Variants in TCERG1L observed in about 807,000 individuals in gnomAD.
TCERG1L encodes the protein transcription elongation regulator 1 like.
Under a neutral mutation model 56.3 loss-of-function variants are expected in TCERG1L, and 37 were observed. The ratio of observed to expected loss-of-function variants is 0.66; its 90% CI spans 0.51 to 0.87. TCERG1L has a LOEUF of 0.87. TCERG1L is among the 40% of genes least tolerant of loss of function. The pLI is 0.00. For missense variants in TCERG1L, 799 were observed against 774.2 expected, an observed-to-expected ratio of 1.03 and a Z score of -0.38; for synonymous variants, 324 against 326.3, an observed-to-expected ratio of 0.99 and a Z score of 0.08.
chr10:131,208,521 A>G (rs1321996668), intron 4 of TCERG1L, among the ~76,000 whole-genome samples: 1 of 152,216 alleles, frequency 6.6e-6, no homozygotes, highest in Non-Finnish European at 1.5e-5. Context: ...CTGAGCAGAC[A>G]GATTTTCGTA....
At chr10:131,132,490 G>C (rs1365011786) in intron 8 of TCERG1L, among the ~76,000 whole-genome samples, 1 of 152,224 alleles carries the variant, frequency 6.6e-6, no homozygotes, top group Non-Finnish European at 1.5e-5. Flanking sequence ...GAGTGCAGCC[G>C]GGTGATGAGG....
At chr10:131,232,854 C>G (rs1845867149) in intron 4 of TCERG1L, among the ~76,000 whole-genome samples, 1 of 152,224 alleles carries the variant, frequency 6.6e-6, no homozygotes, top group African/African-American at 2.4e-5. Context: ...TGTTTCCAAT[C>G]TCTACATCTT....
At chr10:131,293,413 A>G (rs1026301068) in intron 3 of TCERG1L, among the ~76,000 whole-genome samples, 1 of 152,132 alleles carries the variant, frequency 6.6e-6, no homozygotes. Context: ...GCCTAAATCC[A>G]AAGGGCTAAA....
At chr10:131,126,809 G>A (rs1845570467) in intron 8 of TCERG1L, among the ~76,000 whole-genome samples, 1 of 152,186 alleles carries the variant, frequency 6.6e-6, no homozygotes, top group Middle Eastern at 3.2e-3. Flanking sequence ...CCTTTGGCAG[G>A]TAGTTTTCTG....
chr10:131,310,431 T>C (rs961559741), intron 1 of TCERG1L, among the ~76,000 whole-genome samples: 5 of 152,206 alleles, frequency 3.3e-5, no homozygotes, highest in Non-Finnish European at 7.3e-5. Context: ...GCTCACAAGA[T>C]AATATTGGAA....
At chr10:131,099,113 G>A (rs1845279489) in intron 10 of TCERG1L, among the ~76,000 whole-genome samples, 1 of 152,170 alleles carries the variant, frequency 6.6e-6, no homozygotes, top group Non-Finnish European at 1.5e-5. Context: ...TCGGGCACTG[G>A]GCACTCCCAT....
Position 131,267,808 on chromosome 10 carries a change from T to C in TCERG1L, c.671-7364A>G, listed in dbSNP as rs534478314. ...TCCCACCACCAGTCCTGCTGCCCTG[T>C]CCACCTCCTTGCAGACTTCGGTGGG... On this transcript the variant is annotated intron_variant, in intron 3 of 11. Transcript: ENST00000368642. This position sits in a 1 kb window ranked among gnomAD's most constrained non-coding sequence, Gnocchi z 4.9. Among the ~76,000 whole-genome samples, 1 of 152,320 alleles carries C rather than the reference T, an allele frequency of 6.6e-6. No homozygotes were observed. Among genetic ancestry groups the C allele is most frequent in the African/African-American group, 2.4e-5 (1 of 41,584 alleles).
Position 131,093,042 on chromosome 10 carries a change from G to A in TCERG1L, c.*120C>T, listed in dbSNP as rs893999315. ...CTGAGAACGAAGACCCCGCAGTGCC[G>A]GTGCCCGCTGGGCCGTGCAGGTCTC... is the stretch of plus-strand genomic sequence containing the variant. On this transcript the variant is annotated 3_prime_UTR_variant, in exon 12 of 12. Transcript: ENST00000368642. 17 of 986,144 alleles carry A rather than the reference G, an allele frequency of 1.7e-5. No individual in the cohort carries two copies. In the Middle Eastern group the frequency reaches 9.8e-4, roughly 57 times the overall value. The allele number at this position is 986,144 out of a possible 1,614,324, so 61.1% of individuals were successfully genotyped here.
At chr10:131,120,325 C>G (rs752253190) in intron 8 of TCERG1L, among the ~76,000 whole-genome samples, 3 of 152,198 alleles carry the variant, frequency 2.0e-5, no homozygotes, top group Non-Finnish European at 2.9e-5. Context: ...GGCACTGCAA[C>G]CCCCGCCATG....
chr10:131,105,486 C>A (rs1188161574), intron 9 of TCERG1L, among the ~76,000 whole-genome samples: 1 of 152,184 alleles, frequency 6.6e-6, no homozygotes, highest in Admixed American at 6.5e-5. Context: ...TGTACTCAAT[C>A]TTTTATTTAT....
rs114796946 is a variant in TCERG1L, at chr10:131,191,572, A to G, written c.857-24687T>C. Among the ~76,000 whole-genome samples, 2 of 143,700 alleles carry G rather than the reference A, an allele frequency of 1.4e-5. 1 individual carries two copies. The highest frequency in any genetic ancestry group is 5.2e-5 in the African/African-American group (2 of 38,160). 94.3% of individuals were successfully genotyped at this position (143,700 alleles called of 152,430 possible). A position where few individuals can be genotyped will look rare whatever the true frequency, so the allele number is the denominator to read the frequency against. ...ATGGAACAGAATAGACAACTCAGAA[A>G]TAAAGCCAAATACATACAGCCAACT... On this transcript the variant is annotated intron_variant, in intron 4 of 11. Coordinates refer to ENST00000368642, the MANE Select transcript of TCERG1L (RefSeq NM_174937.4).
chr10:131,094,328 C>T (rs1261859646), intron 11 of TCERG1L, among the ~76,000 whole-genome samples: 7 of 152,156 alleles, frequency 4.6e-5, no homozygotes, highest in East Asian at 3.9e-4. Context: ...ATTCTTTGTC[C>T]GGGGGATTCT....
At chr10:131,288,129 GCCA>G (rs1026514133) in intron 3 of TCERG1L, among the ~76,000 whole-genome samples, 2 of 152,174 alleles carry the variant, frequency 1.3e-5, no homozygotes, top group African/African-American at 4.8e-5. Context: ...GCCTGAACCG[GCCA>G]CCACAAGCCT....
intron 7 of TCERG1L, among the ~76,000 whole-genome samples, chr10:131,138,793 C>T (rs887659681): frequency 3.3e-5 from 5 of 152,046 alleles, no homozygotes; most frequent in Middle Eastern, 3.2e-3. Context: ...ACATACTGAA[C>T]GCCACTGAAT....
chr10:131,153,951 G>C (rs1845893133), intron 6 of TCERG1L, among the ~76,000 whole-genome samples: 1 of 152,158 alleles, frequency 6.6e-6, no homozygotes, highest in South Asian at 2.1e-4. Flanking sequence ...GTGAGTAGCT[G>C]GTAAATAAAT....
chr10:131,300,007 T>C (rs1846743310), intron 3 of TCERG1L, among the ~76,000 whole-genome samples: 1 of 152,174 alleles, frequency 6.6e-6, no homozygotes, highest in African/African-American at 2.4e-5. Flanking sequence ...TAGAGGTAAC[T>C]TTCTCTATGC....
intron 7 of TCERG1L, among the ~76,000 whole-genome samples, chr10:131,139,241 T>C (rs1845706920): frequency 6.6e-6 from 1 of 152,252 alleles, no homozygotes; most frequent in African/African-American, 2.4e-5. Flanking sequence ...ATTCTAATAA[T>C]GTGAAATTAC....
At chr10:131,147,111 G>A (rs1589728170) in intron 6 of TCERG1L, among the ~76,000 whole-genome samples, 1 of 152,222 alleles carries the variant, frequency 6.6e-6, no homozygotes, top group East Asian at 1.9e-4. Context: ...CAATGCGCAC[G>A]GCCACAGGTC....
At chr10:131,302,608 CTTTT>C (rs35380771) in intron 3 of TCERG1L, among the ~76,000 whole-genome samples, 16 of 142,964 alleles carry the variant, frequency 1.1e-4, no homozygotes, top group African/African-American at 4.0e-4. Flanking sequence ...CCTCCCAATT[CTTTT>C]TTTTTTTTTT....
Sources: gnomAD v4.1 joint callset for allele counts (sites outside exome capture counted in the v4.1 genomes callset) on GRCh38, gnomAD v4.1.1 for gene constraint, Gnocchi (gnomAD v3.1) non-coding constraint, MANE v1.5 for transcripts, NCBI Gene and HGNC (gene_info 2026-07-23, HGNC 2026-07-21) for gene names.